The following KIF16B variants were observed in gnomAD, a reference collection of about 807,000 sequenced individuals.
The protein encoded by KIF16B is kinesin-like protein KIF16B.
Under a neutral mutation model 156.3 loss-of-function variants are expected in KIF16B, and 98 were observed. The observed-to-expected ratio is 0.63, with a 90% CI of 0.53 to 0.74. The LOEUF is 0.74. Ranked by LOEUF, KIF16B falls within the 30% of genes least tolerant of loss-of-function variation. The pLI is 0.00. For synonymous variants in KIF16B, 564 were observed against 583.7 expected (o/e 0.97, Z 0.49); for missense variants, 1,421 against 1,606.5 (o/e 0.88, Z 1.97).
At chr20:16,492,982 A>G (rs965525156) in intron 12 of KIF16B, among the ~76,000 whole-genome samples, 2 of 152,184 alleles carry the variant, frequency 1.3e-5, no homozygotes, top group Non-Finnish European at 2.9e-5. Flanking sequence ...AAAGTCACAT[A>G]TTTGGTGAAC....
chr20:16,528,090 G>A (rs1421657840), intron 2 of KIF16B, among the ~76,000 whole-genome samples: 3 of 152,126 alleles, frequency 2.0e-5, no homozygotes, highest in Non-Finnish European at 4.4e-5. Flanking sequence ...GAGGACACAG[G>A]ATGAAAATGC....
At chr20:16,296,249 G>A (rs1198581021) in intron 25 of KIF16B, among the ~76,000 whole-genome samples, 3 of 152,208 alleles carry the variant, frequency 2.0e-5, no homozygotes, top group Admixed American at 2.0e-4. Flanking sequence ...AGTTTATGCA[G>A]GATGCTCCTT....
intron 1 of KIF16B, among the ~76,000 whole-genome samples, chr20:16,537,609 A>G (rs1208882397): frequency 1.3e-5 from 2 of 150,450 alleles, no homozygotes; most frequent in Non-Finnish European, 2.9e-5. Flanking sequence ...GGGTCTCCCT[A>G]TGTGCCCCCT....
At chr20:16,534,091 C>T (rs11699366) in intron 1 of KIF16B, among the ~76,000 whole-genome samples, 1 of 152,070 alleles carries the variant, frequency 6.6e-6, no homozygotes, top group African/African-American at 2.4e-5. Context: ...AACCCCATCT[C>T]TACTAAAAAT....
intron 22 of KIF16B, among the ~76,000 whole-genome samples, chr20:16,369,667 G>A (rs77222993): frequency 0.011 from 1,671 of 152,276 alleles, 25 homozygotes; most frequent in African/African-American, 0.036. Context: ...CAAACTTAAT[G>A]AAAATCAGAT....
intron 23 of KIF16B, among the ~76,000 whole-genome samples, chr20:16,355,803 T>C (rs2064429044): frequency 6.6e-6 from 1 of 152,210 alleles, no homozygotes. Context: ...GGCTTCCTAA[T>C]TCATAATAGA....
chr20:16,338,937 A>C (rs1203576860), intron 23 of KIF16B, among the ~76,000 whole-genome samples: 1 of 152,214 alleles, frequency 6.6e-6, no homozygotes, highest in African/African-American at 2.4e-5. Context: ...TCCAGGGAAT[A>C]ATGGGAAGAA....
intron 1 of KIF16B, among the ~76,000 whole-genome samples, chr20:16,551,457 T>C (rs1287888184): frequency 6.6e-6 from 1 of 152,170 alleles, no homozygotes; most frequent in Non-Finnish European, 1.5e-5. Flanking sequence ...TTTCCTCCTG[T>C]CTTTCCAGTG....
intron 12 of KIF16B, among the ~76,000 whole-genome samples, chr20:16,435,405 T>C (rs1449137795): frequency 6.6e-6 from 1 of 152,212 alleles, no homozygotes; most frequent in Non-Finnish European, 1.5e-5. Context: ...TGACTTTTAG[T>C]CCACAGCAGA....
At chr20:16,364,070 G>A (rs2064606411) in intron 22 of KIF16B, among the ~76,000 whole-genome samples, 1 of 152,086 alleles carries the variant, frequency 6.6e-6, no homozygotes, top group African/African-American at 2.4e-5. Flanking sequence ...AAATCATCTG[G>A]GAAAGAGAAT....
chr20:16,350,316 C>G (rs1199585111), intron 23 of KIF16B, among the ~76,000 whole-genome samples: 1 of 152,108 alleles, frequency 6.6e-6, no homozygotes, highest in Non-Finnish European at 1.5e-5. Flanking sequence ...GCAGAAGGCT[C>G]CTTAGAGGAG....
chr20:16,432,745 C>CA (rs2066535278), intron 12 of KIF16B, among the ~76,000 whole-genome samples: 2 of 151,046 alleles, frequency 1.3e-5, no homozygotes, highest in South Asian at 2.1e-4. Context: ...ACAACAACAA[C>CA]AAAAAAAGGA....
chr20:16,381,693 C>G lies in KIF16B; in HGVS notation c.1838+1G>C. The G allele has an allele frequency of 6.2e-7, 1 of 1,611,576 alleles. No homozygotes were observed. The highest frequency in any genetic ancestry group is 8.5e-7 in the Non-Finnish European group (1 of 1,178,342). ...TGAAACTTGAACCCCATGTGACTTA[C>G]CTTTTACTTTCTAATTTTTCAAGTT... On this transcript the variant is annotated splice_donor_variant, in intron 18 of 25. Coordinates refer to ENST00000354981, the MANE Select transcript of KIF16B (RefSeq NM_024704.5). LOFTEE classifies it high-confidence loss of function.
chr20:16,450,502 A>C (rs1331564507), intron 12 of KIF16B, among the ~76,000 whole-genome samples: 1 of 152,210 alleles, frequency 6.6e-6, no homozygotes, highest in Non-Finnish European at 1.5e-5. Flanking sequence ...GAGAACCCTG[A>C]GCACATTCAC....
chr20:16,315,139 C>G (rs1408538949), intron 24 of KIF16B, among the ~76,000 whole-genome samples: 1 of 152,106 alleles, frequency 6.6e-6, no homozygotes, highest in African/African-American at 2.4e-5. Flanking sequence ...GGGGAGGGAG[C>G]AAGCATTCAC....
At chr20:16,304,669 G>C (rs2063517667) in intron 25 of KIF16B, among the ~76,000 whole-genome samples, 1 of 152,162 alleles carries the variant, frequency 6.6e-6, no homozygotes, top group African/African-American at 2.4e-5. Flanking sequence ...TATATGTTTT[G>C]TAAGATCAGC....
intron 25 of KIF16B, among the ~76,000 whole-genome samples, chr20:16,311,315 C>T (rs2063616910): frequency 6.6e-6 from 1 of 152,026 alleles, no homozygotes; most frequent in Non-Finnish European, 1.5e-5. Flanking sequence ...ATGGTGAAAC[C>T]CCGTCTCTAC....
chr20:16,468,891 A>ATTCTT (rs1348840589), intron 12 of KIF16B, among the ~76,000 whole-genome samples: 4 of 152,164 alleles, frequency 2.6e-5, no homozygotes, highest in Admixed American at 2.0e-4. Context: ...CAAATTACAC[A>ATTCTT]TTCTTTTCAC....
rs536120419 is a variant in KIF16B at position 16,462,452 on chromosome 20, T to C, written c.1302+31839A>G. Among the ~76,000 whole-genome samples, 7 of 152,244 alleles carry C rather than the reference T, an allele frequency of 4.6e-5. 1 individual carries two copies. The South Asian group carries it at 8.4e-4, about 18-fold the overall frequency. Reference sequence around the variant, plus strand: ...CCAAACAGAGAAAATTCAAATATACTGGAAGTTAAGCCTTCTTAATCAAGA... The same window carrying C: ...CCAAACAGAGAAAATTCAAATATACCGGAAGTTAAGCCTTCTTAATCAAGA... On this transcript the variant is annotated intron_variant, in intron 12 of 25. Coordinates refer to ENST00000354981, the MANE Select transcript of KIF16B (RefSeq NM_024704.5).
Sources: gnomAD v4.1 joint callset for allele counts (sites outside exome capture counted in the v4.1 genomes callset) on GRCh38, gnomAD v4.1.1 for gene constraint, MANE v1.5 for transcripts, NCBI Gene and HGNC (gene_info 2026-07-23, HGNC 2026-07-21) for gene names.